Variants in ZC3HAV1 observed in about 807,000 individuals in gnomAD.
The protein encoded by ZC3HAV1 is zinc finger CCCH-type containing, antiviral 1.
Under a neutral mutation model 86.6 loss-of-function variants are expected in ZC3HAV1, and 41 were observed. The ratio of observed to expected loss-of-function variants is 0.47; its 90% confidence interval spans 0.37 to 0.61. The LOEUF (loss-of-function observed/expected upper bound fraction) is 0.61, where lower values mean the gene tolerates loss of function less well. Ranked by LOEUF, ZC3HAV1 falls within the 20% of genes least tolerant of loss-of-function variation. The pLI is 0.00. For missense variants in ZC3HAV1, 964 were observed against 1,141.1 expected, an observed-to-expected ratio of 0.84 and a Z score of 2.24; for synonymous variants, 421 against 432.1, an observed-to-expected ratio of 0.97 and a Z score of 0.32.
intron 1 of ZC3HAV1, among the ~76,000 whole-genome samples, chr7:139,091,407 G>T (rs184080264): frequency 6.6e-6 from 1 of 152,188 alleles, no homozygotes; most frequent in Admixed American, 6.5e-5. Context: ...GGCGGAGCTT[G>T]CAGTGAGCCG....
At chr7:139,088,051 A>AG (rs1187026842) in intron 2 of ZC3HAV1, among the ~76,000 whole-genome samples, 4 of 150,624 alleles carry the variant, frequency 2.7e-5, no homozygotes, top group African/African-American at 7.3e-5. Context: ...AAAAAAAAAA[A>AG]AAAAGAAAAA....
intron 1 of ZC3HAV1, among the ~76,000 whole-genome samples, chr7:139,103,807 T>A (rs1817846963): frequency 6.6e-6 from 1 of 152,190 alleles, no homozygotes; most frequent in Non-Finnish European, 1.5e-5. Context: ...ACTGTTAAAA[T>A]GAATAAACTA....
chr7:139,082,413 A>G (rs894012221), intron 3 of ZC3HAV1, among the ~76,000 whole-genome samples: 1 of 152,198 alleles, frequency 6.6e-6, no homozygotes, highest in Non-Finnish European at 1.5e-5. Context: ...GAAAAATGGC[A>G]CAGCTGCTAC....
chr7:139,070,589 G>A (rs996870085), intron 7 of ZC3HAV1, among the ~76,000 whole-genome samples: 4 of 150,990 alleles, frequency 2.6e-5, no homozygotes, highest in Non-Finnish European at 4.4e-5. Context: ...GCGTGAACAC[G>A]GGAGGCGGGG....
intron 12 of ZC3HAV1, 101 bp from the exon 13 acceptor site, chr7:139,047,954 T>A: frequency 8.4e-7 from 1 of 1,184,508 alleles, no homozygotes; most frequent in Non-Finnish European, 1.2e-6. Context: ...ACTAAGCATA[T>A]GTCAATAATA....
intron 7 of ZC3HAV1, among the ~76,000 whole-genome samples, 163 bp from the exon 8 acceptor site, chr7:139,065,162 G>A (rs916716069): frequency 6.6e-6 from 1 of 152,148 alleles, no homozygotes; most frequent in African/African-American, 2.4e-5. Context: ...AGACTTCTGT[G>A]GTCTTCTCTA....
intron 12 of ZC3HAV1, among the ~76,000 whole-genome samples, chr7:139,048,130 T>C (rs9886296): frequency 0.55 from 83,807 of 151,972 alleles, 23,909 homozygotes; most frequent in African/African-American, 0.7. Flanking sequence ...CAAATGACAA[T>C]GTCACAGTGG....
chr7:139,047,475 T>C lies in ZC3HAV1; in HGVS notation c.*119A>G, dbSNP rs1486158573. 1 of 1,437,554 alleles carries C rather than the reference T, an allele frequency of 7.0e-7. No individual in the cohort carries two copies. The highest frequency in any genetic ancestry group is 1.4e-5 in the African/African-American group (1 of 69,730). 89.0% of individuals were successfully genotyped at this position (1,437,554 alleles called of 1,614,324 possible). A position where few individuals can be genotyped will look rare whatever the true frequency, so the allele number is the denominator to read the frequency against. The stretch of plus-strand genomic sequence containing the variant: ...TGTAGCAAAATTTGGGGACCACTGA[T>C]CTAAGACATTAGATAACTGAGCAGG... On this transcript the variant is annotated 3_prime_UTR_variant, in exon 13 of 13. Coordinates refer to ENST00000242351, the MANE Select transcript of ZC3HAV1 (RefSeq NM_020119.4).
intron 2 of ZC3HAV1, among the ~76,000 whole-genome samples, 153 bp from the exon 3 acceptor site, chr7:139,084,185 A>G (rs562867134): frequency 2.6e-5 from 4 of 152,350 alleles, no homozygotes; most frequent in South Asian, 4.1e-4. Flanking sequence ...GTCTTTGATG[A>G]GTCACATTCA....
rs1815981898 is a variant in ZC3HAV1, at chr7:139,047,263, AGG to A, written c.*329_*330del. On this transcript the variant is annotated 3_prime_UTR_variant, in exon 13 of 13. Transcript: ENST00000242351. The stretch of plus-strand genomic sequence containing the variant: ...AGAATTGCTTGAACCCGGGAGGCAG[AGG>A]TTGCAGTGAGCCGAGATCGCGCCAC... 5 of 266,124 alleles carry A rather than the reference AGG, an allele frequency of 1.9e-5. No homozygotes were observed. Among genetic ancestry groups the A allele is most frequent in the Admixed American group, 1.3e-4 (2 of 15,820 alleles). 16.5% of individuals were successfully genotyped at this position (266,124 alleles called of 1,614,324 possible).
At chr7:139,099,076 A>AT (rs1416340218) in intron 1 of ZC3HAV1, among the ~76,000 whole-genome samples, 1 of 152,208 alleles carries the variant, frequency 6.6e-6, no homozygotes, top group Non-Finnish European at 1.5e-5. Context: ...ACTATTTAAG[A>AT]TTTTATCATG....
intron 8 of ZC3HAV1, among the ~76,000 whole-genome samples, chr7:139,063,991 C>T (rs1816525650): frequency 6.6e-6 from 1 of 152,160 alleles, no homozygotes; most frequent in Non-Finnish European, 1.5e-5. Flanking sequence ...GCTTTTCTCC[C>T]CCCTTCTTCT....
At position 139,055,258 on chromosome 7, in the gene ZC3HAV1, C is replaced by A. The variant is rs191765483; in HGVS notation, c.2134G>T (p.Ala712Ser). 2.9e-5 allele frequency: 47 copies of A among 1,613,364 alleles called. No individual in the cohort carries two copies. In the East Asian group the frequency reaches 9.6e-4, roughly 33 times the overall value. Reference protein sequence around the residue: ...PAKTSSVSLTATFRPQEDFCF... With the variant: ...PAKTSSVSLTSTFRPQEDFCF... ...AAGTCCTCCTGAGGACGAAAGGTCG[C>A]AGTTAAAGACACTGACGAGGTCTTT... The change falls in exon 10 of 13, where the codon GCG (alanine) becomes TCG (serine). Residue 712 changes from alanine (A) to serine (S), a missense_variant. Physicochemically the swap from Ala to Ser is moderately conservative, Grantham distance 99 (BLOSUM62 1). Coordinates refer to ENST00000242351, the MANE Select transcript of ZC3HAV1 (RefSeq NM_020119.4).
At position 139,044,830 on chromosome 7, in the gene ZC3HAV1, G is replaced by A. The variant is rs1167350853; in HGVS notation, c.*2764C>T. ...CCTCATTTTCTCCACTTCGACAACT[G>A]TACATTTTCTTGCATAGTATCTTTA... On this transcript the variant is annotated 3_prime_UTR_variant, in exon 13 of 13. Transcript: ENST00000242351. The A allele has an allele frequency of 6.6e-6, 1 of 152,456 alleles. No homozygotes were observed. The highest frequency in any genetic ancestry group is 1.5e-5 in the Non-Finnish European group (1 of 68,018). 9.4% of individuals were successfully genotyped at this position (152,456 alleles called of 1,614,324 possible).
rs1230341019 is a variant in ZC3HAV1, at chr7:139,061,045, C to G, written c.2087G>C (p.Arg696Thr). The change falls in exon 9 of 13, where the codon AGA (arginine) becomes ACA (threonine). Residue 696 changes from arginine (R) to threonine (T), a missense_variant. Arg to Thr is a moderately conservative substitution (Grantham distance 71). Transcript: ENST00000242351. ...GCTTCAGAACACTTACTCTGGCCCT[C>G]TCTTCATCTGCTGCACATACCACTG... Reference protein sequence around the residue: ...VPQWYVQQMKRGPDHQPAKTS... With the variant: ...VPQWYVQQMKTGPDHQPAKTS... 1.9e-6 allele frequency: 3 copies of G among 1,613,832 alleles called. No homozygotes were observed. The highest frequency in any genetic ancestry group is 4.5e-5 in the East Asian group (2 of 44,870).
rs1252026163 is a variant in ZC3HAV1 at position 139,076,356 on chromosome 7, C to T, written c.1627G>A (p.Gly543Ser). The change falls in exon 6 of 13, where the codon GGT becomes AGT. Residue 543 changes from glycine (G) to serine (S), a missense_variant. Transcript: ENST00000242351. ...TGCTCAAAGTCCGTCCAGGTTTTAC[C>T]AATAAGCATCTGCCACCGGTAAGGC... ...HLPYRWQMLI[G>S]KTWTDFEHME... The T allele has an allele frequency of 6.2e-7, 1 of 1,614,066 alleles. No individual in the cohort carries two copies. The highest frequency in any genetic ancestry group is 1.1e-5 in the South Asian group (1 of 91,082).
Position 139,076,408 on chromosome 7 carries a change from A to G in ZC3HAV1, c.1575T>C (p.Gly525=). The G allele has an allele frequency of 6.2e-7, 1 of 1,613,988 alleles. No homozygotes were observed. Among genetic ancestry groups the G allele is most frequent in the Non-Finnish European group, 8.5e-7 (1 of 1,179,946 alleles). The change falls in exon 6 of 13, where the codon GGT becomes GGC. Residue 525 remains glycine, a splice_region_variant and synonymous_variant. Coordinates refer to ENST00000242351, the MANE Select transcript of ZC3HAV1 (RefSeq NM_020119.4). ...GATGGAAGTGGACTTTGCTGCAGCT[A>G]CCTACAAAGACAAAGAAGGGGTCTG... is the stretch of plus-strand genomic sequence containing the variant. ...DHLCKGCPLN[G]SCSKVHFHLP...
chr7:139,102,612 C>G (rs891673797), intron 1 of ZC3HAV1, among the ~76,000 whole-genome samples: 1 of 151,968 alleles, frequency 6.6e-6, no homozygotes, highest in African/African-American at 2.4e-5. Flanking sequence ...TCATGCTGAG[C>G]TGGGCTTAGT....
intron 1 of ZC3HAV1, among the ~76,000 whole-genome samples, chr7:139,101,511 GT>G (rs1817770542): frequency 1.0e-5 from 1 of 99,390 alleles, no homozygotes. Context: ...TCTGGGAGGT[GT>G]ACCCAACAGC....
Sources: allele counts gnomAD v4.1 joint callset (sites outside exome capture counted in the v4.1 genomes callset), GRCh38; gene constraint gnomAD v4.1.1; transcripts MANE v1.5; gene names NCBI Gene and HGNC (gene_info 2026-07-23, HGNC 2026-07-21).